FLNB: variants seen among roughly 807,000 people sequenced by gnomAD.
FLNB encodes filamin-B.
A neutral mutation model predicts 250.6 loss-of-function variants in FLNB; 111 were observed. That is an observed-to-expected ratio of 0.44 (90% confidence interval 0.38 to 0.52). FLNB has a LOEUF of 0.52. Among genes scored for constraint, FLNB ranks in the 20% least tolerant of loss-of-function variants. The pLI is 0.00. For synonymous variants in FLNB, 1,302 were observed against 1,372.1 expected (o/e 0.95, Z 1.13); for missense variants, 2,869 against 3,447.8 (o/e 0.83, Z 4.20).
chr3:58,152,805 G>A (rs1021530368), intron 38 of FLNB: 7 of 1,273,256 alleles, frequency 5.5e-6, no homozygotes, highest in Non-Finnish European at 7.3e-6. Flanking sequence ...TGCCCCGCAT[G>A]CGGCCGCCTG....
At chr3:58,082,357 A>G (rs1006173690) in intron 4 of FLNB, among the ~76,000 whole-genome samples, 3 of 152,220 alleles carry the variant, frequency 2.0e-5, no homozygotes, top group Non-Finnish European at 4.4e-5. Flanking sequence ...CTTTGTGAAG[A>G]GAACAGTTAC....
At position 58,108,559 on chromosome 3, in the gene FLNB, G is replaced by C. The variant is rs1244812428; in HGVS notation, c.2043G>C (p.Lys681Asn). The part of the protein sequence containing the change: ...DPKDAGKAPL[K>N]IFAQDGEGQR... ...AGGATGCTGGAAAAGCTCCCTTAAA[G>C]ATATTTGCTCAGGTAAATTTCAGGG... is the stretch of plus-strand genomic sequence containing the variant. The change falls in exon 13 of 46, where the codon AAG becomes AAC. Residue 681 changes from lysine to asparagine, a missense_variant. This residue lies in a region of FLNB where 1,348 missense variants were observed against 1,466.7 expected (regional missense o/e 0.92). Transcript: ENST00000295956. 1.9e-6 allele frequency: 3 copies of C among 1,612,588 alleles called. 1 individual carries two copies. Among genetic ancestry groups the C allele is most frequent in the South Asian group, 2.2e-5 (2 of 91,068 alleles).
At chr3:58,053,521 C>T (rs1405187337) in intron 1 of FLNB, among the ~76,000 whole-genome samples, 2 of 152,272 alleles carry the variant, frequency 1.3e-5, no homozygotes, top group African/African-American at 2.4e-5. Context: ...AGTGCAGTGG[C>T]GCTATCTCAG....
rs114122647 is a variant in FLNB at position 58,077,441 on chromosome 3, C to T, written c.541+147C>T. On this transcript the variant is annotated intron_variant, in intron 2 of 45. Transcript: ENST00000295956. ...CCATTATAAGCCCATTATAAGGAAA[C>T]TAAAACTGGCTCTGTGTACCCTTCC... The T allele has an allele frequency of 2.9e-6, 3 of 1,021,494 alleles. 1 individual carries two copies. The South Asian group carries it at 4.7e-5, about 16-fold the overall frequency. 63.3% of individuals were successfully genotyped at this position (1,021,494 alleles called of 1,614,324 possible).
intron 1 of FLNB, among the ~76,000 whole-genome samples, chr3:58,030,127 A>G (rs2097128920): frequency 1.3e-5 from 2 of 152,290 alleles, no homozygotes; most frequent in Middle Eastern, 3.4e-3. Context: ...AGAACATGCT[A>G]ATGGCACCAG....
rs142221918 is a variant in FLNB at position 58,154,275 on chromosome 3, G to T, written c.6635-516G>T. Among the ~76,000 whole-genome samples the T allele has an allele frequency of 2.1e-3, 320 of 152,244 alleles. 1 individual carries two copies. The highest frequency in any genetic ancestry group is 7.2e-3 in the African/African-American group (301 of 41,552). On this transcript the variant is annotated intron_variant, in intron 39 of 45. Coordinates refer to ENST00000295956, the MANE Select transcript of FLNB (RefSeq NM_001457.4). ...GATGTATTCAGGGCTGGGCGTGGTGGCTCACACCTGTAACTCTAGCACTTT... is the reference window on the plus strand; with the variant it reads ...GATGTATTCAGGGCTGGGCGTGGTGTCTCACACCTGTAACTCTAGCACTTT...
rs928898373 is a variant in FLNB at position 58,142,531 on chromosome 3, C to T, written c.5182-119C>T. The T allele has an allele frequency of 3.2e-5, 27 of 848,314 alleles. No individual in the cohort carries two copies. The highest frequency in any genetic ancestry group is 7.2e-5 in the South Asian group (5 of 69,752). The allele number at this position is 848,314 out of a possible 1,614,324, so 52.5% of individuals were successfully genotyped here. A position where few individuals can be genotyped will look rare whatever the true frequency, so the allele number is the denominator to read the frequency against. On this transcript the variant is annotated intron_variant, in intron 30 of 45. Transcript: ENST00000295956. This position sits in a 1 kb window ranked among gnomAD's most constrained non-coding sequence, Gnocchi z 4.3. ...CAAAGCCCATACCACAATGGGCAGC[C>T]GCATTCCCAAATCCCGGCCTCACTG... is the stretch of plus-strand genomic sequence containing the variant.
At chr3:58,089,942 A>T (rs1168556024) in intron 4 of FLNB, among the ~76,000 whole-genome samples, 1 of 151,944 alleles carries the variant, frequency 6.6e-6, no homozygotes, top group Non-Finnish European at 1.5e-5. Flanking sequence ...GCCCACCACC[A>T]CTTCTGGCTA....
At chr3:58,139,726 G>T (rs80271551) in intron 29 of FLNB, among the ~76,000 whole-genome samples, 2,989 of 152,280 alleles carry the variant, frequency 0.02, 108 homozygotes, top group African/African-American at 0.068. Context: ...CACAGAGAAG[G>T]GTACCAGTTG....
intron 1 of FLNB, among the ~76,000 whole-genome samples, chr3:58,064,313 G>GTT (rs2097182435): frequency 6.6e-6 from 1 of 151,942 alleles, no homozygotes; most frequent in South Asian, 2.1e-4. Context: ...ACTAATTTTC[G>GTT]TATTTTTAGT....
chr3:58,102,211 C>G lies in FLNB; in HGVS notation c.1354C>G (p.Pro452Ala). 1 of 1,614,220 alleles carries G rather than the reference C, an allele frequency of 6.2e-7. No homozygotes were observed. The highest frequency in any genetic ancestry group is 1.7e-5 in the Admixed American group (1 of 60,032). The change falls in exon 9 of 46, where the codon CCA becomes GCA. Residue 452 changes from proline (P) to alanine (A), a missense_variant. By Grantham distance (27) the Pro-to-Ala change is conservative. Transcript: ENST00000295956. ...CAAAACTGTGCTTGCAGCCTGCAAT[C>G]CAAATGCCTGCCGGGCCAGTGGCCG... ...FVVQVGEACN[P>A]NACRASGRGL...
chr3:58,101,263 G>A (rs1165171531), intron 8 of FLNB, among the ~76,000 whole-genome samples: 1 of 152,136 alleles, frequency 6.6e-6, no homozygotes, highest in Non-Finnish European at 1.5e-5. Context: ...CCCGTCTTCT[G>A]GAGTCTGTGA....
Position 58,134,692 on chromosome 3 carries a change from G to C in FLNB, c.4591G>C (p.Gly1531Arg), listed in dbSNP as rs1365574077. The change falls in exon 27 of 46, where the codon GGT becomes CGT. Residue 1531 changes from glycine to arginine, a missense_variant. Transcript: ENST00000295956. ...CAGTGGCCCCGGCCTTAGTTCCTAT[G>C]GTGTGCCTGCCAGTCTACCTGTGGA... ...TASGPGLSSY[G>R]VPASLPVDFA... 6.2e-7 allele frequency: 1 copy of C among 1,614,154 alleles called. No homozygotes were observed. Among genetic ancestry groups the C allele is most frequent in the Admixed American group, 1.7e-5 (1 of 60,030 alleles).
chr3:58,035,123 A>G (rs2097136226), intron 1 of FLNB, among the ~76,000 whole-genome samples: 1 of 152,206 alleles, frequency 6.6e-6, no homozygotes, highest in South Asian at 2.1e-4. Flanking sequence ...TTTATTCTTT[A>G]GAAAGCCCCT....
chr3:58,111,767 A>G, intron 16 of FLNB, 24 bp from the exon 17 acceptor site: 2 of 1,584,732 alleles, frequency 1.3e-6, no homozygotes, highest in Non-Finnish European at 8.7e-7. Context: ...GGGCTTTCCT[A>G]CTAAGACTGT....
intron 11 of FLNB, 150 bp downstream of exon 11, chr3:58,105,366 C>T: frequency 1.0e-6 from 1 of 970,486 alleles, no homozygotes; most frequent in Non-Finnish European, 1.6e-6. Flanking sequence ...CTGCGTGCTG[C>T]TGTACATTTG....
intron 1 of FLNB, among the ~76,000 whole-genome samples, chr3:58,028,645 C>G (rs1349122269): frequency 2.0e-5 from 3 of 148,474 alleles, no homozygotes; most frequent in Admixed American, 6.7e-5. Flanking sequence ...CAAAGTTTCG[C>G]TCTTGTTGCC....
chr3:58,025,513 A>T (rs1480648183), intron 1 of FLNB, among the ~76,000 whole-genome samples: 2 of 152,034 alleles, frequency 1.3e-5, no homozygotes, highest in African/African-American at 2.4e-5. Flanking sequence ...AGCGGCAGTA[A>T]GGTCCTGGTC....
intron 1 of FLNB, among the ~76,000 whole-genome samples, chr3:58,022,735 T>G: frequency 6.6e-6 from 1 of 152,162 alleles, no homozygotes; most frequent in East Asian, 1.9e-4. Context: ...TGGTTATTAC[T>G]CAGATTCTTG....
Sources: allele counts gnomAD v4.1 joint callset (sites outside exome capture counted in the v4.1 genomes callset), GRCh38; gene constraint gnomAD v4.1.1; regional missense constraint gnomAD v4.1.1; non-coding constraint Gnocchi (gnomAD v3.1); transcripts MANE v1.5; gene names NCBI Gene and HGNC (gene_info 2026-07-23, HGNC 2026-07-21).